The following CPED1 variants were observed in gnomAD, a reference collection of about 807,000 sequenced individuals.
The protein encoded by CPED1 is cadherin like and PC-esterase domain containing 1, also known as cadherin-like and PC-esterase domain-containing protein 1.
Under a neutral mutation model 128.2 loss-of-function variants are expected in CPED1, and 114 were observed. The ratio of observed to expected loss-of-function variants is 0.89; its 90% confidence interval spans 0.76 to 1.04. The LOEUF (loss-of-function observed/expected upper bound fraction) is 1.04, where lower values mean the gene tolerates loss of function less well. Ranked by LOEUF, CPED1 falls within the 50% of genes least tolerant of loss-of-function variation. The pLI, the probability that CPED1 is intolerant of heterozygous loss-of-function variation, is 0.00. For missense variants in CPED1, 1,211 were observed against 1,207.1 expected (o/e 1.00, Z -0.05); for synonymous variants, 462 against 426.7 (o/e 1.08, Z -1.02).
rs374861407 is a variant in CPED1, at chr7:120,995,872, C to CTCTTCT, written c.249+6023_249+6028dup. Among the ~76,000 whole-genome samples the CTCTTCT allele has an allele frequency of 6.8e-4, 103 of 151,222 alleles. 1 individual carries two copies. The highest frequency in any genetic ancestry group is 2.0e-3 in the African/African-American group (84 of 41,130). On this transcript the variant is annotated intron_variant, in intron 2 of 22. Transcript: ENST00000310396. ...TCTTCAGTTTTTTTTATTCTTCTTC[C>CTCTTCT]TCTTCTTCTTCTTCTTCTTCTTCTT...
chr7:121,070,595 T>C (rs1200101953), intron 5 of CPED1, among the ~76,000 whole-genome samples: 2 of 152,178 alleles, frequency 1.3e-5, no homozygotes, highest in Non-Finnish European at 2.9e-5. Flanking sequence ...TGCATTTTTA[T>C]AAAAGAAGCT....
chr7:121,046,821 A>G, intron 3 of CPED1, 66 bp from the exon 4 acceptor site: 1 of 1,003,728 alleles, frequency 1.0e-6, no homozygotes, highest in Non-Finnish European at 1.5e-6. Context: ...TAATCTGAAG[A>G]ATTAAATATT....
At chr7:121,143,627 T>TTGTATATTTG (rs1017354317) in intron 16 of CPED1, among the ~76,000 whole-genome samples, 9 of 152,056 alleles carry the variant, frequency 5.9e-5, no homozygotes, top group Admixed American at 1.3e-4. Flanking sequence ...AGGTGTGCTT[T>TTGTATATTTG]TGTATATTTG....
intron 16 of CPED1, among the ~76,000 whole-genome samples, chr7:121,165,485 C>T (rs973114062): frequency 6.6e-6 from 1 of 152,162 alleles, no homozygotes; most frequent in Non-Finnish European, 1.5e-5. Context: ...ATCTTTACCC[C>T]AGTCTTCCTA....
At chr7:120,995,099 G>T (rs1055850344) in intron 2 of CPED1, among the ~76,000 whole-genome samples, 3 of 152,044 alleles carry the variant, frequency 2.0e-5, no homozygotes, top group Non-Finnish European at 4.4e-5. Context: ...TTTGTACCTG[G>T]CAATCTACCT....
chr7:121,045,891 C>A (rs1793181447), intron 3 of CPED1, among the ~76,000 whole-genome samples: 1 of 152,030 alleles, frequency 6.6e-6, no homozygotes, highest in Admixed American at 6.6e-5. Flanking sequence ...AATTGAAATA[C>A]ATTTCTTCTG....
intron 16 of CPED1, among the ~76,000 whole-genome samples, chr7:121,154,789 C>T (rs1348342573): frequency 6.6e-6 from 1 of 152,146 alleles, no homozygotes; most frequent in Non-Finnish European, 1.5e-5. Context: ...TGTGATCCGC[C>T]CACCTCGGCC....
intron 5 of CPED1, among the ~76,000 whole-genome samples, chr7:121,091,932 C>T (rs1794581112): frequency 6.6e-6 from 1 of 152,036 alleles, no homozygotes; most frequent in East Asian, 1.9e-4. Flanking sequence ...TTGGTTTCCC[C>T]CACATCATCT....
intron 22 of CPED1, among the ~76,000 whole-genome samples, chr7:121,286,868 T>C (rs1385191398): frequency 6.6e-6 from 1 of 152,016 alleles, no homozygotes; most frequent in Non-Finnish European, 1.5e-5. Context: ...AGGAAATAGG[T>C]TTAATTGACT....
At chr7:121,195,444 A>C (rs1797250835) in intron 16 of CPED1, among the ~76,000 whole-genome samples, 2 of 152,160 alleles carry the variant, frequency 1.3e-5, no homozygotes, top group African/African-American at 4.8e-5. Context: ...TGATAACTCC[A>C]GCAAAAATTT....
chr7:121,014,111 A>G (rs1792233224), intron 2 of CPED1, among the ~76,000 whole-genome samples: 1 of 152,244 alleles, frequency 6.6e-6, no homozygotes, highest in Admixed American at 6.5e-5. Context: ...GAAATAACGA[A>G]AAGAGGAAGG....
chr7:120,995,195 C>T (rs529346147), intron 2 of CPED1, among the ~76,000 whole-genome samples: 4 of 152,264 alleles, frequency 2.6e-5, no homozygotes, highest in South Asian at 2.1e-4. Flanking sequence ...TTACCTCTCC[C>T]GATTCCTTAT....
chr7:121,266,734 G>C lies in CPED1; in HGVS notation c.2559G>C (p.Gln853His), dbSNP rs900536549. 24 of 1,612,844 alleles carry C rather than the reference G, an allele frequency of 1.5e-5. No individual in the cohort carries two copies. The African/African-American group carries it at 3.1e-4, about 21-fold the overall frequency. Residue 853 changes from glutamine (Q) to histidine (H), a missense_variant, in exon 20 of 23, where the codon CAG (glutamine) becomes CAC (histidine). By Grantham distance (24) the Gln-to-His change is conservative. Transcript: ENST00000310396. Reference protein sequence around the residue: ...QRSRPLENTGQTVLVVGGVQW... With the variant: ...QRSRPLENTGHTVLVVGGVQW... The stretch of plus-strand genomic sequence containing the variant: ...CACGTCCCCTAGAGAATACTGGCCA[G>C]ACTGTATTGGTTGTTGGTGGTGTTC...
In CPED1 at chr7:121,101,240, G is replaced by T. The variant is rs559522550; in HGVS notation, c.918+1146G>T. Among the ~76,000 whole-genome samples, 1,093 of 146,464 alleles carry T rather than the reference G, an allele frequency of 7.5e-3. 15 individuals are homozygous for T. The highest frequency in any genetic ancestry group is 0.024 in the African/African-American group (966 of 40,114). Reference sequence around the variant, plus strand: ...AAATAATCACTTGTTCCCTTTTTTGGTTTTTTTTTTCCTCAAAAACAAAAC... The same window carrying T: ...AAATAATCACTTGTTCCCTTTTTTGTTTTTTTTTTTCCTCAAAAACAAAAC... On this transcript the variant is annotated intron_variant, in intron 7 of 22. Coordinates refer to ENST00000310396, the MANE Select transcript of CPED1 (RefSeq NM_024913.5).
intron 3 of CPED1, among the ~76,000 whole-genome samples, chr7:121,039,855 T>G (rs914206137): frequency 6.6e-6 from 1 of 152,110 alleles, no homozygotes; most frequent in African/African-American, 2.4e-5. Context: ...GGCTAATTTC[T>G]TCACAACAAA....
At chr7:121,199,800 G>A (rs2402562) in intron 16 of CPED1, among the ~76,000 whole-genome samples, 92,550 of 151,686 alleles carry the variant, frequency 0.61, 28,606 homozygotes, top group East Asian at 0.88. Context: ...AACCACATAC[G>A]TAATTTTAAA....
At chr7:121,188,451 C>T (rs767702834) in intron 16 of CPED1, among the ~76,000 whole-genome samples, 3 of 152,052 alleles carry the variant, frequency 2.0e-5, no homozygotes, top group African/African-American at 7.2e-5. Context: ...TTAAAATGTA[C>T]AATTCAGTTA....
intron 5 of CPED1, among the ~76,000 whole-genome samples, chr7:121,081,509 G>GCAC (rs1326932861): frequency 2.0e-5 from 3 of 152,060 alleles, no homozygotes; most frequent in Non-Finnish European, 4.4e-5. Flanking sequence ...ACTTCTCCTA[G>GCAC]CACCATCTAA....
chr7:121,270,339 T>C lies in CPED1; in HGVS notation c.2722-945T>C, dbSNP rs936453083. ...ATTTTCTCCCATTCTGTAGATTGTC[T>C]GTTTGCTTTGTTGATAGTTTCTTTT... On this transcript the variant is annotated intron_variant, in intron 21 of 22. Coordinates refer to ENST00000310396, the MANE Select transcript of CPED1 (RefSeq NM_024913.5). Among the ~76,000 whole-genome samples the C allele has an allele frequency of 1.1e-4, 16 of 152,296 alleles. No homozygotes were observed. The East Asian group carries it at 2.1e-3, about 20-fold the overall frequency.
Sources: allele counts gnomAD v4.1 joint callset (sites outside exome capture counted in the v4.1 genomes callset), GRCh38; gene constraint gnomAD v4.1.1; transcripts MANE v1.5; gene names NCBI Gene and HGNC (gene_info 2026-07-23, HGNC 2026-07-21).